Variants in CSF2RB observed in about 807,000 individuals in gnomAD.
The protein encoded by CSF2RB is colony stimulating factor 2 receptor subunit beta, also known as cytokine receptor common subunit beta.
In CSF2RB, 22 loss-of-function variants were observed where a neutral mutation model predicts 67.2. The ratio of observed to expected loss-of-function variants is 0.33; its 90% CI spans 0.23 to 0.47. The LOEUF (loss-of-function observed/expected upper bound fraction) is 0.47. Ranked by LOEUF, CSF2RB falls within the 20% of genes least tolerant of loss-of-function variation. CSF2RB has a pLI of 1.00. For synonymous variants in CSF2RB, 507 were observed against 482.9 expected (o/e 1.05, Z -0.65); for missense variants, 1,113 against 1,174.5 (o/e 0.95, Z 0.76).
rs1941353005 is a variant in CSF2RB at position 36,940,011 on chromosome 22, T to A, written c.*1509T>A. On this transcript the variant is annotated 3_prime_UTR_variant, in exon 14 of 14. Transcript: ENST00000403662. Reference sequence around the variant, plus strand: ...GATGTGAGACTGAGGTGCCTTTTGGTACTGAAATTCTTTTTCCATGTACCT... The same window carrying A: ...GATGTGAGACTGAGGTGCCTTTTGGAACTGAAATTCTTTTTCCATGTACCT... 1 of 152,234 alleles carries A rather than the reference T, an allele frequency of 6.6e-6. No homozygotes were observed. The allele number at this position is 152,234 out of a possible 1,614,324, so 9.4% of individuals were successfully genotyped here.
intron 3 of CSF2RB, among the ~76,000 whole-genome samples, chr22:36,925,516 T>C (rs1940993992): frequency 6.6e-6 from 1 of 152,196 alleles, no homozygotes; most frequent in South Asian, 2.1e-4. Flanking sequence ...TAGACCTCCC[T>C]ATCACACGCT....
In CSF2RB at chr22:36,934,014, C is replaced by T. The variant is rs1157840690; in HGVS notation, c.1315+20C>T. ...AGTCGGGTAGGTGAAGGCTGGAGTCCAGAGCTTCTGGCCAGGACCAGCTCA... is the reference window on the plus strand; with the variant it reads ...AGTCGGGTAGGTGAAGGCTGGAGTCTAGAGCTTCTGGCCAGGACCAGCTCA... On this transcript the variant is annotated intron_variant, in intron 10 of 13. Coordinates refer to ENST00000403662, the MANE Select transcript of CSF2RB (RefSeq NM_000395.3). 2.5e-6 allele frequency: 4 copies of T among 1,610,964 alleles called. No homozygotes were observed. Among genetic ancestry groups the T allele is most frequent in the South Asian group, 1.1e-5 (1 of 91,044 alleles).
chr22:36,926,957 G>A (rs918871379), intron 4 of CSF2RB, among the ~76,000 whole-genome samples: 4 of 152,150 alleles, frequency 2.6e-5, no homozygotes, highest in African/African-American at 7.2e-5. Flanking sequence ...TCAGAACCAC[G>A]GCAGGCTTGG....
At chr22:36,933,307 C>G (rs752304199) in intron 9 of CSF2RB, among the ~76,000 whole-genome samples, 10 of 152,196 alleles carry the variant, frequency 6.6e-5, no homozygotes, top group Non-Finnish European at 1.3e-4. Flanking sequence ...GGGGGTGCGC[C>G]CAGGCCAGGG....
intron 3 of CSF2RB, among the ~76,000 whole-genome samples, chr22:36,924,748 G>A (rs1028080442): frequency 6.6e-6 from 1 of 152,080 alleles, no homozygotes; most frequent in African/African-American, 2.4e-5. Context: ...CCCCTGACAA[G>A]GAGGACCACC....
intron 1 of CSF2RB, among the ~76,000 whole-genome samples, chr22:36,915,904 G>C (rs1371232132): frequency 6.6e-6 from 1 of 152,056 alleles, no homozygotes; most frequent in African/African-American, 2.4e-5. Flanking sequence ...TGGCCTTTTG[G>C]ATTTCATTTA....
chr22:36,914,358 T>C (rs990029231), intron 1 of CSF2RB, among the ~76,000 whole-genome samples: 3 of 152,008 alleles, frequency 2.0e-5, no homozygotes, highest in African/African-American at 7.3e-5. Flanking sequence ...CCCAGCACTT[T>C]GCCCAGAGAC....
chr22:36,937,793 C>A lies in CSF2RB; in HGVS notation c.1985C>A (p.Ala662Asp). Residue 662 changes from alanine (A) to aspartate (D), a missense_variant, in exon 14 of 14, where the codon GCT (alanine) becomes GAT (aspartate). Physicochemically the swap from Ala to Asp is moderately radical, Grantham distance 126. Coordinates refer to ENST00000403662, the MANE Select transcript of CSF2RB (RefSeq NM_000395.3). The surrounding 1 kb of genome is among the most constrained non-coding windows in gnomAD (Gnocchi z 4.6). ...VEVERRPSQG[A>D]AGSPSLESGG... The stretch of plus-strand genomic sequence containing the variant: ...GTGGAGAGAAGGCCGAGCCAGGGGG[C>A]TGCAGGGAGTCCCTCCCTGGAGTCC... 1 of 1,590,778 alleles carries A rather than the reference C, an allele frequency of 6.3e-7. No homozygotes were observed. The highest frequency in any genetic ancestry group is 8.6e-7 in the Non-Finnish European group (1 of 1,168,804).
At position 36,938,108 on chromosome 22, in the gene CSF2RB, T is replaced by G. The variant is rs771166819; in HGVS notation, c.2300T>G (p.Val767Gly). 29 of 1,613,930 alleles carry G rather than the reference T, an allele frequency of 1.8e-5. No homozygotes were observed. Among genetic ancestry groups the G allele is most frequent in the Non-Finnish European group, 2.4e-5 (28 of 1,179,984 alleles). ...GTGAAGTCAGGGTTTGAGGGCTATG[T>G]GGAGCTCCCTCCAATTGAGGGCCGG... is the stretch of plus-strand genomic sequence containing the variant. ...GPVKSGFEGY[V>G]ELPPIEGRSP... The change falls in exon 14 of 14, where the codon GTG becomes GGG. Residue 767 changes from valine to glycine, a missense_variant. Transcript: ENST00000403662.
intron 10 of CSF2RB, among the ~76,000 whole-genome samples, chr22:36,934,727 G>A (rs1301151244): frequency 6.6e-6 from 1 of 152,212 alleles, no homozygotes; most frequent in African/African-American, 2.4e-5. Flanking sequence ...CCAAGGGGTG[G>A]TTTCAGAGAG....
Position 36,940,061 on chromosome 22 carries a change from A to T in CSF2RB, c.*1559A>T, listed in dbSNP as rs1941353752. The T allele has an allele frequency of 6.6e-6, 1 of 152,182 alleles. No homozygotes were observed. Among genetic ancestry groups the T allele is most frequent in the African/African-American group, 2.4e-5 (1 of 41,434 alleles). The allele number at this position is 152,182 out of a possible 1,614,324, so 9.4% of individuals were successfully genotyped here. ...TGAAGTGTTACTTTTGTGATATAGG[A>T]AATCCTTGTATATATACTTTATTGG... On this transcript the variant is annotated 3_prime_UTR_variant, in exon 14 of 14. Transcript: ENST00000403662.
At position 36,938,721 on chromosome 22, in the gene CSF2RB, A is replaced by G. The variant is rs2145830382; in HGVS notation, c.*219A>G. 3.5e-6 allele frequency: 2 copies of G among 566,762 alleles called. No individual in the cohort carries two copies. Among genetic ancestry groups the G allele is most frequent in the Admixed American group, 3.2e-5 (1 of 31,182 alleles). 35.1% of individuals were successfully genotyped at this position (566,762 alleles called of 1,614,324 possible). On this transcript the variant is annotated 3_prime_UTR_variant, in exon 14 of 14. Coordinates refer to ENST00000403662, the MANE Select transcript of CSF2RB (RefSeq NM_000395.3). ...CACACACACACACGTACATGCACAC[A>G]TTTTTCCTGTCAGGTTAACTTATTT...
In CSF2RB at chr22:36,937,835, C is replaced by T; in HGVS notation, c.2027C>T (p.Pro676Leu). ...PSLESGGGPA[P>L]PALGPRVGGQ... ...CTGGAGTCCGGGGGAGGCCCTGCCC[C>T]TCCTGCTCTTGGGCCAAGGGTGGGA... The change falls in exon 14 of 14, where the codon CCT (proline) becomes CTT (leucine). Residue 676 changes from proline to leucine, a missense_variant. Transcript: ENST00000403662. The surrounding 1 kb of genome is among the most constrained non-coding windows in gnomAD (Gnocchi z 4.6). 6.2e-7 allele frequency: 1 copy of T among 1,612,188 alleles called. No homozygotes were observed. Among genetic ancestry groups the T allele is most frequent in the Non-Finnish European group, 8.5e-7 (1 of 1,179,206 alleles).
At position 36,937,855 on chromosome 22, in the gene CSF2RB, G is replaced by A. The variant is rs754826126; in HGVS notation, c.2047G>A (p.Val683Met). The change falls in exon 14 of 14, where the codon GTG (valine) becomes ATG (methionine). Residue 683 changes from valine (V) to methionine (M), a missense_variant. Val to Met is a conservative substitution (Grantham distance 21, BLOSUM62 1). Coordinates refer to ENST00000403662, the MANE Select transcript of CSF2RB (RefSeq NM_000395.3). The surrounding 1 kb of genome is among the most constrained non-coding windows in gnomAD (Gnocchi z 4.6). ...TGCCCCTCCTGCTCTTGGGCCAAGGGTGGGAGGACAGGACCAAAAGGACAG... is the reference window on the plus strand; with the variant it reads ...TGCCCCTCCTGCTCTTGGGCCAAGGATGGGAGGACAGGACCAAAAGGACAG... ...GPAPPALGPR[V>M]GGQDQKDSPV... is the part of the protein sequence containing the mutation. The A allele has an allele frequency of 5.0e-6, 8 of 1,613,724 alleles. No individual in the cohort carries two copies. Among genetic ancestry groups the A allele is most frequent in the African/African-American group, 1.3e-5 (1 of 74,920 alleles).
At position 36,922,193 on chromosome 22, in the gene CSF2RB, G is replaced by C. The variant is rs1391603294; in HGVS notation, c.-15G>C. The stretch of plus-strand genomic sequence containing the variant: ...ACCAGTGCTGGTGCCTGCCTGTCCA[G>C]AGCTGACCAGGGAGATGGTGCTGGC... On this transcript the variant is annotated 5_prime_UTR_variant, in exon 2 of 14. Transcript: ENST00000403662. 6.3e-7 allele frequency: 1 copy of C among 1,577,620 alleles called. No homozygotes were observed. The highest frequency in any genetic ancestry group is 8.6e-7 in the Non-Finnish European group (1 of 1,162,230).
At chr22:36,915,994 A>T (rs1187490950) in intron 1 of CSF2RB, among the ~76,000 whole-genome samples, 1 of 152,212 alleles carries the variant, frequency 6.6e-6, no homozygotes, top group African/African-American at 2.4e-5. Context: ...CTCATTTATT[A>T]CGTGTATTAA....
intron 8 of CSF2RB, among the ~76,000 whole-genome samples, chr22:36,932,173 G>T (rs1244140885): frequency 6.6e-6 from 1 of 152,196 alleles, no homozygotes. Flanking sequence ...GGTGGCTCAC[G>T]CCTGTAATCC....
At chr22:36,918,507 G>A (rs1172314153) in intron 1 of CSF2RB, among the ~76,000 whole-genome samples, 2 of 152,178 alleles carry the variant, frequency 1.3e-5, no homozygotes, top group Non-Finnish European at 2.9e-5. Flanking sequence ...TTTATTAAAA[G>A]GAATCTTGGG....
intron 8 of CSF2RB, 115 bp downstream of exon 8, chr22:36,930,945 A>G (rs1941136972): frequency 6.8e-6 from 9 of 1,314,716 alleles, no homozygotes; most frequent in Non-Finnish European, 3.2e-6. Flanking sequence ...GTCACTTTCA[A>G]AGAGATGCAG....
Sources: gnomAD v4.1 joint callset for allele counts (sites outside exome capture counted in the v4.1 genomes callset) on GRCh38, gnomAD v4.1.1 for gene constraint, Gnocchi (gnomAD v3.1) non-coding constraint, MANE v1.5 for transcripts, NCBI Gene and HGNC (gene_info 2026-07-23, HGNC 2026-07-21) for gene names.